CDS1: variants seen among roughly 807,000 people sequenced by gnomAD.
CDS1 encodes CDP-diacylglycerol synthase 1.
Under a neutral mutation model 62.1 loss-of-function variants are expected in CDS1, and 41 were observed. That is an observed-to-expected ratio of 0.66 (90% CI 0.51 to 0.86). CDS1 has a LOEUF of 0.86. Among genes scored for constraint, CDS1 ranks in the 40% least tolerant of loss-of-function variants. The probability of loss-of-function intolerance (pLI) is 0.00; values close to 1 mark genes in which losing one functional copy is unlikely to be tolerated. For missense variants in CDS1, 470 were observed against 550.1 expected, an observed-to-expected ratio of 0.85 and a Z score of 1.46; for synonymous variants, 185 against 192.6, an observed-to-expected ratio of 0.96 and a Z score of 0.32.
Position 84,595,431 on chromosome 4 carries a change from A to G in CDS1, c.118-8812A>G, listed in dbSNP as rs143217461. Among the ~76,000 whole-genome samples, 575 of 152,288 alleles carry G rather than the reference A, an allele frequency of 3.8e-3. 1 individual carries two copies. Among genetic ancestry groups the G allele is most frequent in the Non-Finnish European group, 6.9e-3 (467 of 68,030 alleles). ...ATACCTCATACAATGTAAATTCTAC[A>G]TAAATAGTTGCATACTGTAGTTGTA... On this transcript the variant is annotated intron_variant, in intron 1 of 12. Coordinates refer to ENST00000295887, the MANE Select transcript of CDS1 (RefSeq NM_001263.4).
At chr4:84,627,260 G>A (rs769765614) in intron 5 of CDS1, among the ~76,000 whole-genome samples, 9 of 152,080 alleles carry the variant, frequency 5.9e-5, no homozygotes, top group Admixed American at 2.0e-4. Flanking sequence ...CCCTCATGGA[G>A]GTCCATGAAA....
At chr4:84,610,510 C>G (rs1198327901) in intron 3 of CDS1, among the ~76,000 whole-genome samples, 1 of 152,134 alleles carries the variant, frequency 6.6e-6, no homozygotes, top group East Asian at 1.9e-4. Context: ...ACAAACGGTT[C>G]CAAGATGCCT....
intron 10 of CDS1, among the ~76,000 whole-genome samples, chr4:84,641,904 G>C (rs950133645): frequency 2.0e-5 from 3 of 152,180 alleles, no homozygotes; most frequent in Non-Finnish European, 4.4e-5. Flanking sequence ...ATTTCTCTCT[G>C]AGTGCTCAGT....
At chr4:84,584,337 GT>G (rs1722350714) in intron 1 of CDS1, among the ~76,000 whole-genome samples, 1 of 152,212 alleles carries the variant, frequency 6.6e-6, no homozygotes, top group African/African-American at 2.4e-5. Flanking sequence ...GGACTGGATG[GT>G]TTGGGAAATT....
chr4:84,591,979 A>T (rs1454968466), intron 1 of CDS1, among the ~76,000 whole-genome samples: 3 of 152,222 alleles, frequency 2.0e-5, no homozygotes, highest in South Asian at 2.1e-4. Context: ...ACAGCACTTC[A>T]AGTGTTTCAT....
At chr4:84,637,957 C>T (rs959762263) in intron 8 of CDS1, among the ~76,000 whole-genome samples, 11 of 152,192 alleles carry the variant, frequency 7.2e-5, no homozygotes, top group African/African-American at 2.2e-4. Flanking sequence ...GAAACCATTT[C>T]TGCCAACTGT....
At chr4:84,626,172 A>AAAAC (rs373923054) in intron 5 of CDS1, among the ~76,000 whole-genome samples, 3 of 152,200 alleles carry the variant, frequency 2.0e-5, no homozygotes, top group Non-Finnish European at 4.4e-5. Context: ...CATTTCAAAA[A>AAAAC]AAACAAACAA....
At chr4:84,622,800 C>A (rs1210567538) in intron 5 of CDS1, among the ~76,000 whole-genome samples, 5 of 152,130 alleles carry the variant, frequency 3.3e-5, no homozygotes, top group African/African-American at 1.2e-4. Flanking sequence ...ATTATCTATT[C>A]ACTTCCTGTT....
chr4:84,585,915 G>C (rs1722403070), intron 1 of CDS1, among the ~76,000 whole-genome samples: 1 of 152,206 alleles, frequency 6.6e-6, no homozygotes, highest in African/African-American at 2.4e-5. Context: ...AAGGCTCATT[G>C]TTAGCATAGA....
intron 3 of CDS1, among the ~76,000 whole-genome samples, chr4:84,611,641 T>G (rs1200441795): frequency 6.6e-6 from 1 of 152,224 alleles, no homozygotes; most frequent in Non-Finnish European, 1.5e-5. Flanking sequence ...CTCATTAATT[T>G]TTCACTTCCT....
Position 84,583,459 on chromosome 4 carries a change from C to G in CDS1, c.58C>G (p.Pro20Ala), listed in dbSNP as rs1722314772. ...CPGPREAVSP[P>A]HREGEAAGGD... ...CGGCCCCAGGGAAGCGGTGTCGCCG[C>G]CACACCGCGAGGGAGAGGCGGCCGG... The change falls in exon 1 of 13, where the codon CCA becomes GCA. Residue 20 changes from proline (P) to alanine (A), a missense_variant. Around this residue, in one of 5 missense-constraint regions of CDS1, gnomAD observed 150 missense variants for 142.0 expected, o/e 1.06. Transcript: ENST00000295887. 1 of 1,583,936 alleles carries G rather than the reference C, an allele frequency of 6.3e-7. No homozygotes were observed. The highest frequency in any genetic ancestry group is 8.6e-7 in the Non-Finnish European group (1 of 1,166,500).
At chr4:84,590,866 T>G (rs1462032853) in intron 1 of CDS1, among the ~76,000 whole-genome samples, 1 of 152,146 alleles carries the variant, frequency 6.6e-6, no homozygotes, top group Non-Finnish European at 1.5e-5. Context: ...TGAGGTACAA[T>G]GTCTAGTATA....
intron 1 of CDS1, among the ~76,000 whole-genome samples, chr4:84,584,979 A>G (rs539059652): frequency 7.8e-4 from 119 of 152,370 alleles, no homozygotes; most frequent in Admixed American, 4.5e-3. Context: ...GGTATAGTTT[A>G]GCATCAAGGA....
Position 84,583,381 on chromosome 4 carries a change from A to G in CDS1, c.-21A>G, listed in dbSNP as rs1279566026. On this transcript the variant is annotated 5_prime_UTR_variant, in exon 1 of 13. Transcript: ENST00000295887. ...TTTCGGGGTGCTTGAGGAGGCCGCC[A>G]CGGCAGCGCGGGAGCGGAAGATGTT... 8.4e-6 allele frequency: 13 copies of G among 1,554,114 alleles called. No homozygotes were observed. Among genetic ancestry groups the G allele is most frequent in the African/African-American group, 2.8e-5 (2 of 72,332 alleles).
At chr4:84,616,452 C>T (rs897413002) in intron 3 of CDS1, among the ~76,000 whole-genome samples, 2 of 152,070 alleles carry the variant, frequency 1.3e-5, no homozygotes, top group African/African-American at 4.8e-5. Flanking sequence ...AAAGAAATCC[C>T]GGAATATATC....
chr4:84,587,635 T>C (rs766332966), intron 1 of CDS1, among the ~76,000 whole-genome samples: 1 of 152,184 alleles, frequency 6.6e-6, no homozygotes, highest in African/African-American at 2.4e-5. Context: ...ACATGACTTA[T>C]GTAGAGACCA....
chr4:84,584,322 C>T (rs1560460146), intron 1 of CDS1, among the ~76,000 whole-genome samples: 1 of 152,252 alleles, frequency 6.6e-6, no homozygotes, highest in East Asian at 1.9e-4. Context: ...GTTTTATGAT[C>T]TTATGGACTG....
intron 10 of CDS1, among the ~76,000 whole-genome samples, chr4:84,642,186 G>T (rs146814785): frequency 6.6e-6 from 1 of 152,092 alleles, no homozygotes; most frequent in Admixed American, 6.6e-5. Context: ...TTAGCCAGTC[G>T]TGGTGGCATA....
chr4:84,638,718 C>T (rs926563051), intron 8 of CDS1, among the ~76,000 whole-genome samples: 1 of 151,900 alleles, frequency 6.6e-6, no homozygotes, highest in Non-Finnish European at 1.5e-5. Flanking sequence ...TGAGGGCCTA[C>T]TATGTGTTTA....
Sources: allele counts gnomAD v4.1 joint callset (sites outside exome capture counted in the v4.1 genomes callset), GRCh38; gene constraint gnomAD v4.1.1; regional missense constraint gnomAD v4.1.1; transcripts MANE v1.5; gene names NCBI Gene and HGNC (gene_info 2026-07-23, HGNC 2026-07-21).